The following CIC variants were observed in gnomAD, a reference collection of about 807,000 sequenced individuals.
CIC encodes protein capicua homolog.
In CIC, 18 loss-of-function variants were observed where a neutral mutation model predicts 115.7. The observed-to-expected ratio is 0.16, with a 90% CI of 0.11 to 0.23. CIC has a LOEUF of 0.23. Ranked by LOEUF, CIC falls within the 10% of genes least tolerant of loss-of-function variation. The pLI, the probability that CIC is intolerant of heterozygous loss-of-function variation, is 1.00. For missense variants in CIC, 2,000 were observed against 2,159.3 expected (o/e 0.93, Z 1.46); for synonymous variants, 1,076 against 923.0 (o/e 1.17, Z -3.01).
intron 2 of CIC, among the ~76,000 whole-genome samples, chr19:42,281,470 G>C (rs2037247226): frequency 1.3e-5 from 2 of 152,198 alleles, no homozygotes; most frequent in Non-Finnish European, 2.9e-5. Flanking sequence ...TTTAGGGGCA[G>C]TCCTTCTGTG....
At chr19:42,278,947 G>A (rs1278830713) in intron 2 of CIC, among the ~76,000 whole-genome samples, 1 of 152,214 alleles carries the variant, frequency 6.6e-6, no homozygotes, top group Non-Finnish European at 1.5e-5. Context: ...TAGGAGATCC[G>A]GCTGTAGGGG....
intron 7 of CIC, among the ~76,000 whole-genome samples, 155 bp downstream of exon 7, chr19:42,288,130 C>T (rs562387782): frequency 8.4e-4 from 115 of 137,228 alleles, no homozygotes; most frequent in African/African-American, 2.7e-3. Context: ...GCAGTTGATT[C>T]ATGTGACGGA....
chr19:42,276,718 G>A lies in CIC; in HGVS notation c.2794+2141G>A, dbSNP rs756932892. Among the ~76,000 whole-genome samples the A allele has an allele frequency of 1.1e-3, 161 of 152,150 alleles. 2 individuals are homozygous for A. The highest frequency in any genetic ancestry group is 2.5e-4 in the Non-Finnish European group (17 of 68,018). ...GGGATTTCTGTCCTTAGGTAATGAA[G>A]AAACTAAATCAGAGGGTCTCTAACC... On this transcript the variant is annotated intron_variant, in intron 2 of 20. Transcript: ENST00000681038.
Position 42,290,783 on chromosome 19 carries a change from T to G in CIC, c.4742T>G (p.Val1581Gly). 1 of 1,611,624 alleles carries G rather than the reference T, an allele frequency of 6.2e-7. No homozygotes were observed. Among genetic ancestry groups the G allele is most frequent in the Non-Finnish European group, 8.5e-7 (1 of 1,179,282 alleles). Residue 1581 changes from valine to glycine, a missense_variant, in exon 11 of 21, where the codon GTC becomes GGC. This residue lies in a region of CIC where 1,466 missense variants were observed against 1,390.4 expected (regional missense o/e 1.05). Transcript: ENST00000681038. ...APLSRPAATM[V>G]TNVVRPVSST... ...CTGTCCCGTCCTGCCGCCACCATGG[T>G]CACCAATGTGGTGCGGCCTGTCAGC...
intron 2 of CIC, chr19:42,284,597 C>T: frequency 1.9e-6 from 1 of 528,512 alleles, no homozygotes; most frequent in Non-Finnish European, 2.9e-6. Flanking sequence ...GACGGCCTCC[C>T]GCTCCCCCCG....
intron 2 of CIC, 136 bp downstream of exon 2, chr19:42,274,713 G>T (rs2036903212): frequency 2.5e-6 from 1 of 397,578 alleles, no homozygotes; most frequent in African/African-American, 2.1e-5. Context: ...CACAGATGTT[G>T]CTGTTGGAAT....
Position 42,290,708 on chromosome 19 carries a change from T to G in CIC, c.4667T>G (p.Val1556Gly). The G allele has an allele frequency of 1.2e-6, 2 of 1,612,394 alleles. No homozygotes were observed. Among genetic ancestry groups the G allele is most frequent in the South Asian group, 1.1e-5 (1 of 91,052 alleles). ...GAGCAAGAGGGCGGCGGAGCCAGAGTGCCCTCCGCCCCCGCCCCATCACTG... is the reference window on the plus strand; with the variant it reads ...GAGCAAGAGGGCGGCGGAGCCAGAGGGCCCTCCGCCCCCGCCCCATCACTG... ...KEEQEGGGAR[V>G]PSAPAPSLAY... Residue 1556 changes from valine (V) to glycine (G), a missense_variant, in exon 11 of 21, where the codon GTG (valine) becomes GGG (glycine). This residue lies in a region of CIC where 1,466 missense variants were observed against 1,390.4 expected (regional missense o/e 1.05). Transcript: ENST00000681038.
Position 42,290,119 on chromosome 19 carries a change from C to T in CIC, c.4192-114C>T, listed in dbSNP as rs2037966293. 5.8e-5 allele frequency: 88 copies of T among 1,510,618 alleles called. No homozygotes were observed. The South Asian group carries it at 9.7e-4, about 17-fold the overall frequency. The allele number at this position is 1,510,618 out of a possible 1,614,324, so 93.6% of individuals were successfully genotyped here. ...AGGATGAATTGAGGCCTTCAGCTGG[C>T]AGGGGTGCAGCCCTAGGCTGGCCTG... On this transcript the variant is annotated intron_variant, in intron 10 of 20. Transcript: ENST00000681038.
chr19:42,283,898 G>T (rs1161534011), intron 2 of CIC: 1 of 151,640 alleles, frequency 6.6e-6, no homozygotes, highest in African/African-American at 2.4e-5. Context: ...ACGTTCCCCC[G>T]GGGCGGCCAA....
rs2038009538 is a variant in CIC at position 42,290,527 on chromosome 19, G to A, written c.4486G>A (p.Ala1496Thr). Residue 1496 changes from alanine to threonine, a missense_variant, in exon 11 of 21, where the codon GCA becomes ACA. Coordinates refer to ENST00000681038, the MANE Select transcript of CIC (RefSeq NM_001386298.1). The part of the protein sequence containing the change: ...GAGGPATPSK[A>T]TRFLPMDPAT... ...TGGGGGTCCAGCGACACCTTCCAAG[G>A]CAACCCGGTTCCTCCCAATGGATCC... 7 of 1,613,346 alleles carry A rather than the reference G, an allele frequency of 4.3e-6. No homozygotes were observed. Among genetic ancestry groups the A allele is most frequent in the Non-Finnish European group, 5.9e-6 (7 of 1,179,868 alleles).
intron 9 of CIC, 114 bp downstream of exon 9, chr19:42,289,520 T>G: frequency 8.1e-7 from 1 of 1,242,140 alleles, no homozygotes; most frequent in Non-Finnish European, 1.1e-6. Context: ...TCCACTTGGT[T>G]TATGGTTGCA....
In CIC at chr19:42,272,651, G is replaced by A; in HGVS notation, c.868G>A (p.Ala290Thr). The stretch of plus-strand genomic sequence containing the variant: ...CCGGGAAGGTGTGGTGGTGGAGGTG[G>A]CCACCAAGCCAGCTGCCTACAAGGT... The part of the protein sequence containing the change: ...AYREGVVVEV[A>T]TKPAAYKVRL... The change falls in exon 2 of 21, where the codon GCC becomes ACC. Residue 290 changes from alanine to threonine, a missense_variant. This residue lies in a region of CIC where 222 missense variants were observed against 247.7 expected (regional missense o/e 0.90). Transcript: ENST00000681038. The A allele has an allele frequency of 2.5e-6, 1 of 398,744 alleles. No homozygotes were observed. The highest frequency in any genetic ancestry group is 4.4e-6 in the Non-Finnish European group (1 of 226,198). 24.7% of individuals were successfully genotyped at this position (398,744 alleles called of 1,614,324 possible). A position where few individuals can be genotyped will look rare whatever the true frequency, so the allele number is the denominator to read the frequency against.
chr19:42,283,903 G>A (rs890063840), intron 2 of CIC: 2 of 151,578 alleles, frequency 1.3e-5, no homozygotes, highest in African/African-American at 4.8e-5. Flanking sequence ...CCCCCGGGGC[G>A]GCCAATGGGG....
chr19:42,274,811 T>C (rs2036908448), intron 2 of CIC, among the ~76,000 whole-genome samples: 1 of 152,240 alleles, frequency 6.6e-6, no homozygotes, highest in Non-Finnish European at 1.5e-5. Context: ...TCAAGAGGTC[T>C]ATCAGTCAGC....
intron 2 of CIC, among the ~76,000 whole-genome samples, chr19:42,282,839 G>C (rs2037322760): frequency 7.3e-6 from 1 of 136,746 alleles, no homozygotes; most frequent in African/African-American, 2.6e-5. Flanking sequence ...AGCAGCCCCA[G>C]TAAGTGTTAG....
chr19:42,292,223 C>T lies in CIC; in HGVS notation c.5735+16C>T, dbSNP rs1448530319. The T allele has an allele frequency of 2.5e-6, 4 of 1,613,972 alleles. No homozygotes were observed. The highest frequency in any genetic ancestry group is 2.5e-6 in the Non-Finnish European group (3 of 1,180,024). ...CCTCCACCAGGTAATTGCAGCTGAG[C>T]CCATACTCAGAGGCCAGGGAAGGGG... On this transcript the variant is annotated intron_variant, in intron 13 of 20. Transcript: ENST00000681038.
intron 2 of CIC, among the ~76,000 whole-genome samples, chr19:42,281,641 A>T (rs1336394055): frequency 6.6e-6 from 1 of 152,024 alleles, no homozygotes; most frequent in Non-Finnish European, 1.5e-5. Flanking sequence ...ATCCACCCCC[A>T]CCCAGGGTTC....
intron 9 of CIC, 73 bp from the exon 10 acceptor site, chr19:42,289,775 A>G (rs2037936464): frequency 7.8e-7 from 1 of 1,288,716 alleles, no homozygotes; most frequent in South Asian, 1.3e-5. Context: ...GCTGAGATCC[A>G]GGCTCCAGAC....
intron 2 of CIC, among the ~76,000 whole-genome samples, chr19:42,285,950 T>C (rs1429095126): frequency 1.3e-5 from 2 of 152,222 alleles, no homozygotes; most frequent in Admixed American, 6.5e-5. Context: ...TAGAGACTTG[T>C]TACAATTCTC....
Sources: allele counts gnomAD v4.1 joint callset (sites outside exome capture counted in the v4.1 genomes callset), GRCh38; gene constraint gnomAD v4.1.1; regional missense constraint gnomAD v4.1.1; transcripts MANE v1.5; gene names NCBI Gene and HGNC (gene_info 2026-07-23, HGNC 2026-07-21).